CEP152: variants seen among roughly 807,000 people sequenced by gnomAD.
The protein encoded by CEP152 is centrosomal protein of 152 kDa.
CEP152 carries 132 observed loss-of-function variants against 188.9 expected under a neutral mutation model. That is an observed-to-expected ratio of 0.70 (90% confidence interval 0.61 to 0.81). CEP152 has a LOEUF of 0.81. Among genes scored for constraint, CEP152 ranks in the 30% least tolerant of loss-of-function variants. The pLI is 0.00. For missense variants in CEP152, 1,914 were observed against 1,969.8 expected, an observed-to-expected ratio of 0.97 and a Z score of 0.54; for synonymous variants, 649 against 666.6, an observed-to-expected ratio of 0.97 and a Z score of 0.41.
chr15:48,799,712 T>C (rs1463885144), intron 2 of CEP152, among the ~76,000 whole-genome samples: 2 of 151,860 alleles, frequency 1.3e-5, no homozygotes, highest in African/African-American at 4.8e-5. Context: ...AGACACAACA[T>C]GAAAAACAAA....
intron 2 of CEP152, chr15:48,729,946 A>G (rs1033876932): frequency 6.6e-6 from 1 of 152,062 alleles, no homozygotes; most frequent in Non-Finnish European, 1.5e-5. Flanking sequence ...ACAAATAAAT[A>G]AAAATAAGGA....
chr15:48,753,161 T>G (rs1038776117), intron 20 of CEP152, among the ~76,000 whole-genome samples: 1 of 152,176 alleles, frequency 6.6e-6, no homozygotes, highest in Non-Finnish European at 1.5e-5. Flanking sequence ...TGTTTTGAGA[T>G]GGAGTCCTCC....
At chr15:48,805,851 A>C (rs896752711) in intron 1 of CEP152, among the ~76,000 whole-genome samples, 195 bp from the exon 2 acceptor site, 1 of 152,238 alleles carries the variant, frequency 6.6e-6, no homozygotes, top group African/African-American at 2.4e-5. Flanking sequence ...ATTCATGGAA[A>C]AGAAAACATG....
intron 2 of CEP152, among the ~76,000 whole-genome samples, chr15:48,803,898 T>C (rs1897823079): frequency 6.6e-6 from 1 of 152,258 alleles, no homozygotes; most frequent in Non-Finnish European, 1.5e-5. Context: ...CCCAGCCAAC[T>C]ATCCAAGCCC....
At chr15:48,765,487 T>C (rs368021074) in intron 17 of CEP152, among the ~76,000 whole-genome samples, 17 of 152,074 alleles carry the variant, frequency 1.1e-4, no homozygotes, top group African/African-American at 3.6e-4. Flanking sequence ...CAAACACTCA[T>C]GAGCCAAAAT....
At chr15:48,761,193 C>T (rs1156422104) in intron 18 of CEP152, among the ~76,000 whole-genome samples, 1 of 152,138 alleles carries the variant, frequency 6.6e-6, no homozygotes, top group African/African-American at 2.4e-5. Flanking sequence ...TCTTTTGAAA[C>T]CCCCTTCAGT....
rs145137435 is a variant in CEP152, at chr15:48,762,290, A to C, written c.2562+101T>G. On this transcript the variant is annotated intron_variant, in intron 18 of 26. Transcript: ENST00000380950. ...TATCCTAGAAATGCACAAAATCTTA[A>C]AAGTATAAAGTTATGAACGAGTTCA... 2,421 of 1,153,640 alleles carry C rather than the reference A, an allele frequency of 2.1e-3. 37 individuals are homozygous for C. In the African/African-American group the frequency reaches 0.033, roughly 16 times the overall value. 71.5% of individuals were successfully genotyped at this position (1,153,640 alleles called of 1,614,324 possible).
rs34837739 is a variant in CEP152 at position 48,765,636 on chromosome 15, ATTTTT to A, written c.2280+1419_2280+1423del. On this transcript the variant is annotated intron_variant, in intron 17 of 26. Coordinates refer to ENST00000380950, the MANE Select transcript of CEP152 (RefSeq NM_001194998.2). ...GAAAATTCCTCTTATGTTCTTGCCAATTTTTTTTTTTTTTTTTTTTTTTTTTTTTT... is the reference window on the plus strand; with the variant it reads ...GAAAATTCCTCTTATGTTCTTGCCAATTTTTTTTTTTTTTTTTTTTTTTTT... 7.5e-3 allele frequency: 1,406 copies of A among 187,980 alleles called. 1 individual carries two copies. The highest frequency in any genetic ancestry group is 0.018 in the East Asian group (83 of 4,580). 11.6% of individuals were successfully genotyped at this position (187,980 alleles called of 1,614,324 possible).
At chr15:48,782,345 C>T in intron 10 of CEP152, 115 bp from the exon 11 acceptor site, 3 of 833,614 alleles carry the variant, frequency 3.6e-6, no homozygotes, top group Non-Finnish European at 4.0e-6. Flanking sequence ...TGCTTTACTA[C>T]TACTGTCTCT....
chr15:48,809,425 CGTA>C (rs2140945774), intron 1 of CEP152, among the ~76,000 whole-genome samples: 1 of 152,028 alleles, frequency 6.6e-6, no homozygotes, highest in African/African-American at 2.4e-5. Flanking sequence ...TAATAAATTC[CGTA>C]GTAGATGAAA....
intron 2 of CEP152, among the ~76,000 whole-genome samples, chr15:48,805,242 T>G (rs1897901364): frequency 6.6e-6 from 1 of 152,228 alleles, no homozygotes; most frequent in African/African-American, 2.4e-5. Context: ...TTGTCAGACT[T>G]GTTCATGGCA....
chr15:48,767,279 G>C, intron 16 of CEP152, 56 bp downstream of exon 16: 2 of 1,613,798 alleles, frequency 1.2e-6, no homozygotes, highest in Non-Finnish European at 8.5e-7. Flanking sequence ...CTAAATTATG[G>C]AATAGGGGAA....
At chr15:48,788,326 CTTTTTTTT>C (rs538514112) in intron 9 of CEP152, among the ~76,000 whole-genome samples, 5 of 97,064 alleles carry the variant, frequency 5.2e-5, no homozygotes, top group African/African-American at 1.9e-4. Context: ...TCACTGGCTT[CTTTTTTTT>C]TTTTTTTTTT....
chr15:48,791,973 T>G (rs1342266083), intron 7 of CEP152, among the ~76,000 whole-genome samples: 1 of 152,224 alleles, frequency 6.6e-6, no homozygotes, highest in Non-Finnish European at 1.5e-5. Flanking sequence ...ATCTGAGGAC[T>G]AATTATCCTA....
chr15:48,744,097 T>A, intron 24 of CEP152, 143 bp downstream of exon 24: 2 of 1,335,820 alleles, frequency 1.5e-6, no homozygotes, highest in Non-Finnish European at 2.0e-6. Flanking sequence ...TGAAAAGGTA[T>A]CAATAATCTC....
At position 48,781,183 on chromosome 15, in the gene CEP152, AT is replaced by A. The variant is rs1896217173; in HGVS notation, c.1577+12del. The A allele has an allele frequency of 6.2e-7, 1 of 1,611,732 alleles. No homozygotes were observed. Reference sequence around the variant, plus strand: ...TGGTTCTTCTACAGTAAACTAAAATATTCTTTCCATACCTGGTAACTTTGGA... The same window carrying A: ...TGGTTCTTCTACAGTAAACTAAAATATCTTTCCATACCTGGTAACTTTGGA... On this transcript the variant is annotated intron_variant, in intron 12 of 26. Coordinates refer to ENST00000380950, the MANE Select transcript of CEP152 (RefSeq NM_001194998.2).
At position 48,738,125 on chromosome 15, in the gene CEP152, C is replaced by T. The variant is rs1892695688; in HGVS notation, c.*124G>A. Reference sequence around the variant, plus strand: ...CAAGCAATTTTAGAAGAATGCTTTACTTATATAACAGATGTTATTAAAACA... The same window carrying T: ...CAAGCAATTTTAGAAGAATGCTTTATTTATATAACAGATGTTATTAAAACA... On this transcript the variant is annotated 3_prime_UTR_variant, in exon 27 of 27. Coordinates refer to ENST00000380950, the MANE Select transcript of CEP152 (RefSeq NM_001194998.2). The T allele has an allele frequency of 2.0e-6, 2 of 1,014,028 alleles. No individual in the cohort carries two copies. Among genetic ancestry groups the T allele is most frequent in the African/African-American group, 1.6e-5 (1 of 61,554 alleles). 62.8% of individuals were successfully genotyped at this position (1,014,028 alleles called of 1,614,324 possible).
chr15:48,797,343 G>A lies in CEP152; in HGVS notation c.498C>T (p.Thr166=), dbSNP rs1290075591. Residue 166 remains threonine, a synonymous_variant, in exon 5 of 27, where the codon ACC becomes ACT. Coordinates refer to ENST00000380950, the MANE Select transcript of CEP152 (RefSeq NM_001194998.2). The part of the protein sequence containing the change: ...GQKQEFNNQA[T]NVIKFSDPQW... ...GAGGATCTGAAAATTTAATTACATT[G>A]GTTGCTTGGTTATTAAATTCCTGCT... The A allele has an allele frequency of 6.2e-7, 1 of 1,613,886 alleles. No individual in the cohort carries two copies. Among genetic ancestry groups the A allele is most frequent in the Non-Finnish European group, 8.5e-7 (1 of 1,179,988 alleles).
chr15:48,771,457 G>A (rs16961624), intron 13 of CEP152, among the ~76,000 whole-genome samples: 8,680 of 152,046 alleles, frequency 0.057, 635 homozygotes, highest in African/African-American at 0.17. Flanking sequence ...TAAGAACATG[G>A]GCCAGGAAAA....
Sources: gnomAD v4.1 joint callset for allele counts (sites outside exome capture counted in the v4.1 genomes callset) on GRCh38, gnomAD v4.1.1 for gene constraint, MANE v1.5 for transcripts, NCBI Gene and HGNC (gene_info 2026-07-23, HGNC 2026-07-21) for gene names.